Variants in DLGAP1 observed in about 807,000 individuals in gnomAD.
DLGAP1 encodes the protein DLG associated protein 1, also known as disks large-associated protein 1.
DLGAP1 carries 11 observed loss-of-function variants against 90.8 expected under a neutral mutation model. That is an observed-to-expected ratio of 0.12 (90% CI 0.08 to 0.20). DLGAP1 has a LOEUF of 0.20. Ranked by LOEUF, DLGAP1 falls within the 10% of genes least tolerant of loss-of-function variation. The pLI is 1.00. For synonymous variants in DLGAP1, 558 were observed against 540.7 expected (o/e 1.03, Z -0.44); for missense variants, 1,050 against 1,333.8 (o/e 0.79, Z 3.31).
intron 7 of DLGAP1, among the ~76,000 whole-genome samples, chr18:3,690,754 A>G (rs2060864901): frequency 6.6e-6 from 1 of 152,062 alleles, no homozygotes; most frequent in Non-Finnish European, 1.5e-5. Context: ...GTTTTCATAT[A>G]CTGTAGTTTT....
intron 7 of DLGAP1, among the ~76,000 whole-genome samples, chr18:3,676,663 G>C (rs906252360): frequency 4.7e-5 from 7 of 147,894 alleles, no homozygotes; most frequent in African/African-American, 1.8e-4. Flanking sequence ...TTACCCTCAA[G>C]ACCTTGCCAA....
At chr18:4,316,795 C>CTGA (rs2080539657) in intron 1 of DLGAP1, among the ~76,000 whole-genome samples, 1 of 152,162 alleles carries the variant, frequency 6.6e-6, no homozygotes, top group African/African-American at 2.4e-5. Context: ...CTTCCTGAGT[C>CTGA]CGGTTACTGA....
intron 3 of DLGAP1, among the ~76,000 whole-genome samples, chr18:3,895,157 A>G (rs1215668116): frequency 6.6e-6 from 1 of 152,150 alleles, no homozygotes; most frequent in Non-Finnish European, 1.5e-5. Context: ...CACTTCGAGC[A>G]GTGCGTGCTC....
intron 4 of DLGAP1, among the ~76,000 whole-genome samples, chr18:3,861,421 C>T (rs974991604): frequency 2.0e-5 from 3 of 151,868 alleles, no homozygotes; most frequent in Admixed American, 6.6e-5. Context: ...TGTTAGTGAC[C>T]CCTTATTTCT....
At chr18:3,979,909 G>T (rs565691393) in intron 3 of DLGAP1, among the ~76,000 whole-genome samples, 2 of 152,310 alleles carry the variant, frequency 1.3e-5, no homozygotes, top group South Asian at 4.1e-4. Flanking sequence ...GCCGAGGCAG[G>T]TGGATCACTT....
chr18:3,705,360 C>G (rs551872897), intron 7 of DLGAP1, among the ~76,000 whole-genome samples: 1 of 147,352 alleles, frequency 6.8e-6, no homozygotes, highest in East Asian at 2.0e-4. Context: ...TTGCTTTGCT[C>G]TGTATACCTC....
intron 1 of DLGAP1, among the ~76,000 whole-genome samples, chr18:4,453,498 T>C (rs9951521): frequency 0.64 from 97,858 of 151,958 alleles, 31,592 homozygotes; most frequent in African/African-American, 0.67. Context: ...TAGAAAGTCG[T>C]TTCCTGAACT....
At chr18:3,947,127 A>AC (rs2148958271) in intron 3 of DLGAP1, among the ~76,000 whole-genome samples, 1 of 152,234 alleles carries the variant, frequency 6.6e-6, no homozygotes, top group South Asian at 2.1e-4. Flanking sequence ...GCTACACACA[A>AC]CCACTGCATT....
intron 2 of DLGAP1, among the ~76,000 whole-genome samples, chr18:4,049,185 C>T (rs184910405): frequency 1.3e-5 from 2 of 150,934 alleles, no homozygotes; most frequent in Non-Finnish European, 2.9e-5. Flanking sequence ...CAAGATCACG[C>T]CACTGCACTC....
intron 1 of DLGAP1, among the ~76,000 whole-genome samples, chr18:4,205,365 G>C (rs1260194664): frequency 6.6e-6 from 1 of 152,192 alleles, no homozygotes; most frequent in East Asian, 1.9e-4. Context: ...ATAGGAGGGG[G>C]CGATGAGAAG....
intron 1 of DLGAP1, among the ~76,000 whole-genome samples, chr18:4,163,325 G>C (rs527827227): frequency 6.6e-6 from 1 of 152,154 alleles, no homozygotes. Context: ...TGGTAACTGT[G>C]GGAGAAAAGT....
At chr18:3,806,211 TAAACA>T (rs916324064) in intron 5 of DLGAP1, among the ~76,000 whole-genome samples, 10 of 152,196 alleles carry the variant, frequency 6.6e-5, no homozygotes, top group Non-Finnish European at 1.5e-5. Context: ...TAGTAACCTG[TAAACA>T]AAACAAAACA....
intron 2 of DLGAP1, among the ~76,000 whole-genome samples, chr18:4,066,615 A>C (rs1451426633): frequency 6.6e-6 from 1 of 152,128 alleles, no homozygotes; most frequent in East Asian, 1.9e-4. Context: ...GAATCAAATC[A>C]GAACCGTGAG....
intron 2 of DLGAP1, among the ~76,000 whole-genome samples, chr18:4,069,162 G>T (rs369328857): frequency 6.6e-6 from 1 of 152,122 alleles, no homozygotes; most frequent in Non-Finnish European, 1.5e-5. Context: ...TCCTACTAAA[G>T]TGTAAGTTCT....
rs777476910 is a variant in DLGAP1 at position 3,830,267 on chromosome 18, T to A, written c.958-15994A>T. ...AGTCACCTGAAACATCCCACCATGG[T>A]AAATAAACAGGAAATTGGCCAGGCG... On this transcript the variant is annotated intron_variant, in intron 4 of 12. Coordinates refer to ENST00000315677, the MANE Select transcript of DLGAP1 (RefSeq NM_004746.4). Among the ~76,000 whole-genome samples the A allele has an allele frequency of 4.6e-5, 7 of 152,156 alleles. No homozygotes were observed. The South Asian group carries it at 6.2e-4, about 14-fold the overall frequency.
intron 7 of DLGAP1, among the ~76,000 whole-genome samples, chr18:3,600,801 G>GATATATATAGATATATAGATATATAGAT (rs753258729): frequency 3.2e-4 from 5 of 15,424 alleles, no homozygotes; most frequent in Non-Finnish European, 6.1e-4. Flanking sequence ...TAGATATATA[G>GATATATATAGATATATAGATATATAGAT]ATATATAGAT....
At chr18:4,064,991 G>T (rs548774046) in intron 2 of DLGAP1, among the ~76,000 whole-genome samples, 1 of 152,150 alleles carries the variant, frequency 6.6e-6, no homozygotes, top group African/African-American at 2.4e-5. Flanking sequence ...CAATCAAGTA[G>T]GCTTCATCCC....
At chr18:3,708,793 G>C (rs779217272) in intron 7 of DLGAP1, among the ~76,000 whole-genome samples, 1 of 152,226 alleles carries the variant, frequency 6.6e-6, no homozygotes, top group South Asian at 2.1e-4. Context: ...GACAGTACGC[G>C]TAAAGAGACT....
rs55887550 is a variant in DLGAP1 at position 4,057,004 on chromosome 18, TACACACACACACACACACACACAC to T, written c.-158-51827_-158-51804del. ...GCATTTATTAGCAACTGACCATACA[TACACACACACACACACACACACAC>T]ACACACACACACACACACACACACA... On this transcript the variant is annotated intron_variant, in intron 2 of 12. Coordinates refer to ENST00000315677, the MANE Select transcript of DLGAP1 (RefSeq NM_004746.4). 1.7e-4 allele frequency among the ~76,000 whole-genome samples: 20 copies of T among 115,102 alleles called. 1 individual carries two copies. Among genetic ancestry groups the T allele is most frequent in the South Asian group, 7.1e-4 (2 of 2,814 alleles). The allele number at this position is 115,102 out of a possible 152,430, so 75.5% of individuals were successfully genotyped here. A position where few individuals can be genotyped will look rare whatever the true frequency, so the allele number is the denominator to read the frequency against.
Sources: allele counts gnomAD v4.1 joint callset (sites outside exome capture counted in the v4.1 genomes callset), GRCh38; gene constraint gnomAD v4.1.1; transcripts MANE v1.5; gene names NCBI Gene and HGNC (gene_info 2026-07-23, HGNC 2026-07-21).